RGPD2: variants seen among roughly 807,000 people sequenced by gnomAD.
RGPD2 encodes the protein RANBP2 like and GRIP domain containing 2.
RGPD2 carries 2 observed loss-of-function variants against 36.0 expected under a neutral mutation model. The ratio of observed to expected loss-of-function variants is 0.06; its 90% CI spans 0.02 to 0.17. RGPD2 has a LOEUF of 0.17. Among genes scored for constraint, RGPD2 ranks in the 10% least tolerant of loss-of-function variants. The pLI is 1.00. For synonymous variants in RGPD2, 19 were observed against 163.8 expected, an observed-to-expected ratio of 0.12 and a Z score of 6.75; for missense variants, 40 against 464.3, an observed-to-expected ratio of 0.09 and a Z score of 8.40.
the RGPD2 span, among the ~76,000 whole-genome samples, chr2:87,964,513 C>G: frequency 6.6e-6 from 1 of 152,192 alleles, no homozygotes; most frequent in Non-Finnish European, 1.5e-5. Flanking sequence ...TATGCCCACT[C>G]TGTGTCAAAC....
At chr2:87,985,918 T>C in the RGPD2 span, 4 of 1,570,482 alleles carry the variant, frequency 2.5e-6, no homozygotes, top group African/African-American at 1.4e-5. Context: ...GTTTGTACTA[T>C]TAAAAGCAAA....
the RGPD2 span, among the ~76,000 whole-genome samples, chr2:87,961,696 TAA>T: frequency 0.38 from 17,715 of 46,064 alleles, 3,208 homozygotes; most frequent in East Asian, 0.58. Context: ...TAAGACTTCC[TAA>T]AAAAAAAAAA....
chr2:87,769,455 A>G (rs1221861993), intron 22 of RGPD2, among the ~76,000 whole-genome samples: 4 of 150,064 alleles, frequency 2.7e-5, no homozygotes, highest in Non-Finnish European at 5.9e-5. Flanking sequence ...CCAAATGCAC[A>G]TCTTAGAGTT....
In RGPD2 at chr2:87,813,870, G is replaced by A. The variant is rs962035080; in HGVS notation, c.403-1664C>T. 5.4e-5 allele frequency among the ~76,000 whole-genome samples: 8 copies of A among 148,902 alleles called. 1 individual carries two copies. Among genetic ancestry groups the A allele is most frequent in the African/African-American group, 2.0e-4 (8 of 39,920 alleles). ...TTTGCATGACAATTATAAATCTCAT[G>A]GATTTCAATTCCAAAAAAAAAAAAA... On this transcript the variant is annotated intron_variant, in intron 4 of 22. Transcript: ENST00000398146.
chr2:87,975,432 AC>A, the RGPD2 span, among the ~76,000 whole-genome samples: 1 of 140,296 alleles, frequency 7.1e-6, no homozygotes, highest in Non-Finnish European at 1.6e-5. Flanking sequence ...AATGAAAATG[AC>A]TGAAAAGCTT....
the RGPD2 span, among the ~76,000 whole-genome samples, chr2:87,962,775 T>C: frequency 2.6e-5 from 4 of 151,716 alleles, no homozygotes; most frequent in Admixed American, 2.6e-4. Context: ...GTTATGTTCA[T>C]GCCTTTGCAC....
At chr2:87,857,782 A>C in the RGPD2 span, among the ~76,000 whole-genome samples, 6,591 of 146,786 alleles carry the variant, frequency 0.045, 1 homozygote, top group Middle Eastern at 0.08. Context: ...ACTAAAAAAA[A>C]AAAAAAAAAA....
chr2:87,842,747 C>A, the RGPD2 span, among the ~76,000 whole-genome samples: 2 of 152,038 alleles, frequency 1.3e-5, no homozygotes, highest in Non-Finnish European at 2.9e-5. Flanking sequence ...GAGCCCGCAT[C>A]GCCAAGTTAA....
chr2:87,826,046 T>C (rs1043338233), upstream of RGPD2: 3 of 331,170 alleles, frequency 9.1e-6, no homozygotes, highest in Admixed American at 4.7e-5. Context: ...TTCAATATTT[T>C]CATTTGTATG....
At chr2:87,857,882 G>A in the RGPD2 span, among the ~76,000 whole-genome samples, 3 of 151,934 alleles carry the variant, frequency 2.0e-5, no homozygotes, top group African/African-American at 4.8e-5. Flanking sequence ...ACACTTATGA[G>A]TCTTGTACTT....
At chr2:87,846,440 A>G in the RGPD2 span, among the ~76,000 whole-genome samples, 2 of 152,104 alleles carry the variant, frequency 1.3e-5, no homozygotes, top group African/African-American at 4.8e-5. Flanking sequence ...ATACATAGAC[A>G]TGATAAATAT....
At chr2:87,934,607 G>A in the RGPD2 span, among the ~76,000 whole-genome samples, 3 of 151,418 alleles carry the variant, frequency 2.0e-5, no homozygotes, top group Non-Finnish European at 4.4e-5. Flanking sequence ...GTTTGCATAT[G>A]TGTGTGCATG....
At chr2:87,937,476 G>C in the RGPD2 span, among the ~76,000 whole-genome samples, 1 of 151,810 alleles carries the variant, frequency 6.6e-6, no homozygotes, top group South Asian at 2.1e-4. Flanking sequence ...TTCTGGTGAA[G>C]CCTCAGGAAA....
chr2:87,894,499 GA>G, the RGPD2 span, among the ~76,000 whole-genome samples: 1 of 151,312 alleles, frequency 6.6e-6, no homozygotes, highest in African/African-American at 2.4e-5. Flanking sequence ...TTAAACCTAG[GA>G]AAAGTGGTAG....
chr2:87,830,306 C>T (rs1259968361), upstream of RGPD2, among the ~76,000 whole-genome samples: 1 of 152,258 alleles, frequency 6.6e-6, no homozygotes, highest in Non-Finnish European at 1.5e-5. Context: ...GACATCCAGG[C>T]ATTTCCATAC....
intron 22 of RGPD2, among the ~76,000 whole-genome samples, chr2:87,759,095 C>G (rs1684837919): frequency 1.5e-5 from 2 of 136,872 alleles, no homozygotes; most frequent in African/African-American, 5.2e-5. Flanking sequence ...CAGCTCACCA[C>G]AACCTCCGCC....
the RGPD2 span, among the ~76,000 whole-genome samples, chr2:87,966,979 TTTC>T: frequency 8.1e-5 from 8 of 98,404 alleles, no homozygotes; most frequent in African/African-American, 2.7e-4. Context: ...TAAGCTTTAT[TTTC>T]TTCTTCATCT....
At chr2:87,951,497 A>C in the RGPD2 span, among the ~76,000 whole-genome samples, 114 of 152,304 alleles carry the variant, frequency 7.5e-4, no homozygotes, top group African/African-American at 2.7e-3. Flanking sequence ...GTACAAAGAA[A>C]ACGTTTTTGA....
chr2:87,863,689 C>A, the RGPD2 span, among the ~76,000 whole-genome samples: 2 of 151,692 alleles, frequency 1.3e-5, no homozygotes, highest in East Asian at 3.9e-4. Flanking sequence ...TGTTTATACA[C>A]AAATACGTGT....
Sources: gnomAD v4.1 joint callset for allele counts (sites outside exome capture counted in the v4.1 genomes callset) on GRCh38, gnomAD v4.1.1 for gene constraint, MANE v1.5 for transcripts, NCBI Gene and HGNC (gene_info 2026-07-23, HGNC 2026-07-21) for gene names.